MYO3B: variants seen among roughly 807,000 people sequenced by gnomAD.
MYO3B encodes myosin IIIB.
A neutral mutation model predicts 174.6 loss-of-function variants in MYO3B; 156 were observed. The observed-to-expected ratio is 0.89, with a 90% CI of 0.78 to 1.02. The LOEUF (loss-of-function observed/expected upper bound fraction) is 1.02. MYO3B is among the 50% of genes least tolerant of loss of function. MYO3B has a pLI of 0.00. For synonymous variants in MYO3B, 563 were observed against 569.1 expected, an observed-to-expected ratio of 0.99 and a Z score of 0.15; for missense variants, 1,632 against 1,639.4, an observed-to-expected ratio of 1.00 and a Z score of 0.08.
intron 8 of MYO3B, among the ~76,000 whole-genome samples, chr2:170,358,066 C>G (rs2094135656): frequency 6.6e-6 from 1 of 151,662 alleles, no homozygotes; most frequent in African/African-American, 2.4e-5. Context: ...GCAGGAGAAT[C>G]ACTTGAACCT....
chr2:170,297,359 T>C (rs1364965886), intron 7 of MYO3B, among the ~76,000 whole-genome samples: 2 of 152,080 alleles, frequency 1.3e-5, no homozygotes, highest in Non-Finnish European at 2.9e-5. Flanking sequence ...TGGGTATTTG[T>C]ATACCTTGTA....
chr2:170,394,422 AC>A (rs1558957010), intron 16 of MYO3B, among the ~76,000 whole-genome samples: 1 of 152,196 alleles, frequency 6.6e-6, no homozygotes, highest in African/African-American at 2.4e-5. Context: ...TAGTACAACA[AC>A]ACTAAAGCAT....
At chr2:170,393,084 CTTT>C (rs11427527) in intron 16 of MYO3B, among the ~76,000 whole-genome samples, 24 of 133,694 alleles carry the variant, frequency 1.8e-4, no homozygotes, top group Non-Finnish European at 1.3e-4. Context: ...TACTGTACTA[CTTT>C]TTTTTTTTTT....
rs1405454055 is a variant in MYO3B, at chr2:170,369,222, G to A, written c.816G>A (p.Gln272=). 3 of 1,611,816 alleles carry A rather than the reference G, an allele frequency of 1.9e-6. No homozygotes were observed. Among genetic ancestry groups the A allele is most frequent in the Non-Finnish European group, 2.5e-6 (3 of 1,178,518 alleles). ...WCEEFNHFIS[Q]CLIKDFERRP... Reference sequence around the variant, plus strand: ...ATTGTTTGTTGGTTTTTGCAAACAGGTGTCTTATTAAGGATTTTGAAAGGC... The same window carrying A: ...ATTGTTTGTTGGTTTTTGCAAACAGATGTCTTATTAAGGATTTTGAAAGGC... Residue 272 remains glutamine (Q), a splice_region_variant and synonymous_variant, in exon 9 of 35, where the codon CAG becomes CAA. Transcript: ENST00000408978.
chr2:170,590,212 C>G (rs1445816193), intron 32 of MYO3B, among the ~76,000 whole-genome samples: 1 of 152,134 alleles, frequency 6.6e-6, no homozygotes, highest in African/African-American at 2.4e-5. Flanking sequence ...ATTCTTGTTA[C>G]AGTTACTTTC....
intron 3 of MYO3B, 92 bp downstream of exon 3, chr2:170,200,376 A>C: frequency 1.4e-6 from 2 of 1,436,832 alleles, no homozygotes; most frequent in Non-Finnish European, 1.9e-6. Context: ...TAAGGTACAC[A>C]TTTGAGGAGT....
intron 22 of MYO3B, among the ~76,000 whole-genome samples, chr2:170,431,304 G>A (rs13412287): frequency 0.45 from 67,912 of 151,970 alleles, 15,950 homozygotes; most frequent in African/African-American, 0.57. Context: ...TACTGCCGAC[G>A]TGGCAATAAA....
chr2:170,185,054 C>T (rs200722963), intron 1 of MYO3B, among the ~76,000 whole-genome samples: 3 of 53,162 alleles, frequency 5.6e-5, no homozygotes, highest in African/African-American at 7.7e-5. Flanking sequence ...TGTTTGATCT[C>T]CTTATATATT....
intron 15 of MYO3B, 113 bp from the exon 16 acceptor site, chr2:170,392,268 G>A (rs62170829): frequency 0.24 from 149,872 of 620,438 alleles, 19,584 homozygotes; most frequent in Middle Eastern, 0.3. Flanking sequence ...ACTTCAGGCT[G>A]GGCAACAGAG....
chr2:170,495,877 C>T (rs1372613183), intron 25 of MYO3B, among the ~76,000 whole-genome samples: 1 of 152,204 alleles, frequency 6.6e-6, no homozygotes, highest in African/African-American at 2.4e-5. Flanking sequence ...CTATGTGCTC[C>T]ATGACACAAT....
chr2:170,516,197 G>A lies in MYO3B; in HGVS notation c.3472+1175G>A, dbSNP rs189201977. On this transcript the variant is annotated intron_variant, in intron 29 of 34. Coordinates refer to ENST00000408978, the MANE Select transcript of MYO3B (RefSeq NM_138995.5). Reference sequence around the variant, plus strand: ...TTCTCTGGTTCATCACAAATCCCACGATTCCCCATCCTCTTTGCCTGATAC... The same window carrying A: ...TTCTCTGGTTCATCACAAATCCCACAATTCCCCATCCTCTTTGCCTGATAC... Among the ~76,000 whole-genome samples the A allele has an allele frequency of 7.9e-5, 12 of 152,200 alleles. No homozygotes were observed. In the East Asian group the frequency reaches 2.3e-3, roughly 29 times the overall value.
chr2:170,495,037 T>C (rs1434834337), intron 25 of MYO3B, among the ~76,000 whole-genome samples: 1 of 152,204 alleles, frequency 6.6e-6, no homozygotes, highest in African/African-American at 2.4e-5. Flanking sequence ...GACTCCAATA[T>C]ATAAAATCAA....
chr2:170,213,033 TTCAGGGTATTTCCATGCTCTGC>T, intron 3 of MYO3B, among the ~76,000 whole-genome samples: 1 of 152,168 alleles, frequency 6.6e-6, no homozygotes, highest in East Asian at 1.9e-4. Flanking sequence ...TGCCTACAAT[TTCAGGGTATTTCCATGCTCTGC>T]TCAAAACAGT....
At chr2:170,465,141 A>G (rs1340884985) in intron 24 of MYO3B, among the ~76,000 whole-genome samples, 2 of 151,846 alleles carry the variant, frequency 1.3e-5, no homozygotes, top group Non-Finnish European at 2.9e-5. Context: ...CCAAAGTGCT[A>G]GGGTTACAGG....
intron 30 of MYO3B, among the ~76,000 whole-genome samples, chr2:170,520,206 T>C (rs1688587933): frequency 6.6e-6 from 1 of 152,024 alleles, no homozygotes. Flanking sequence ...GGCAGAAGCC[T>C]GTGATGCTGC....
intron 23 of MYO3B, among the ~76,000 whole-genome samples, chr2:170,461,750 T>C (rs1684301892): frequency 1.4e-5 from 2 of 147,254 alleles, no homozygotes; most frequent in South Asian, 4.4e-4. Flanking sequence ...CACTCCAGCC[T>C]GGGCAACAAG....
chr2:170,196,899 T>C (rs1820293), intron 1 of MYO3B, among the ~76,000 whole-genome samples: 67,654 of 152,042 alleles, frequency 0.44, 15,494 homozygotes, highest in African/African-American at 0.58. Context: ...AAGGTGTAGA[T>C]ATACCTGATT....
chr2:170,482,060 T>C (rs1180389637), intron 25 of MYO3B, among the ~76,000 whole-genome samples: 2 of 152,088 alleles, frequency 1.3e-5, no homozygotes, highest in Non-Finnish European at 2.9e-5. Context: ...AATTGAATCA[T>C]GGGGGCACAT....
rs536146392 is a variant in MYO3B, at chr2:170,263,149, G to C, written c.749+27013G>C. Reference sequence around the variant, plus strand: ...CACTTAGCAGCTTAAATAACAATTTGTGGTTTATCATGAGTTGGTAGGTTA... The same window carrying C: ...CACTTAGCAGCTTAAATAACAATTTCTGGTTTATCATGAGTTGGTAGGTTA... On this transcript the variant is annotated intron_variant, in intron 7 of 34. Coordinates refer to ENST00000408978, the MANE Select transcript of MYO3B (RefSeq NM_138995.5). Among the ~76,000 whole-genome samples, 3 of 152,270 alleles carry C rather than the reference G, an allele frequency of 2.0e-5. No individual in the cohort carries two copies. In the East Asian group the frequency reaches 5.8e-4, roughly 29 times the overall value.
Sources: allele counts gnomAD v4.1 joint callset (sites outside exome capture counted in the v4.1 genomes callset), GRCh38; gene constraint gnomAD v4.1.1; transcripts MANE v1.5; gene names NCBI Gene and HGNC (gene_info 2026-07-23, HGNC 2026-07-21).